RPH3AL: variants seen among roughly 807,000 people sequenced by gnomAD.
The protein encoded by RPH3AL is rab effector Noc2.
Under a neutral mutation model 43.1 loss-of-function variants are expected in RPH3AL, and 38 were observed. The observed-to-expected ratio is 0.88, with a 90% CI of 0.68 to 1.15. The LOEUF is 1.15. Ranked by LOEUF, RPH3AL falls within the 50% of genes most tolerant of loss-of-function variation. RPH3AL has a pLI of 0.00. For synonymous variants in RPH3AL, 189 were observed against 176.3 expected, an observed-to-expected ratio of 1.07 and a Z score of -0.57; for missense variants, 462 against 423.2, an observed-to-expected ratio of 1.09 and a Z score of -0.81.
chr17:333,865 A>G lies in RPH3AL; in HGVS notation c.-143T>C, dbSNP rs1273112355. On this transcript the variant is annotated 5_prime_UTR_variant, in exon 2 of 10. Coordinates refer to ENST00000331302, the MANE Select transcript of RPH3AL (RefSeq NM_006987.4). The surrounding 1 kb of genome is among the most constrained non-coding windows in gnomAD (Gnocchi z 4.5). ...GTGTCCACTACACAAATTCTGCTGG[A>G]GGCAGCTGTGTCTTGGTAGCCTAAT... The G allele has an allele frequency of 6.5e-6, 1 of 153,742 alleles. No homozygotes were observed. The highest frequency in any genetic ancestry group is 1.5e-5 in the Non-Finnish European group (1 of 68,946). The allele number at this position is 153,742 out of a possible 1,614,324, so 9.5% of individuals were successfully genotyped here. A position where few individuals can be genotyped will look rare whatever the true frequency, so the allele number is the denominator to read the frequency against.
intron 1 of RPH3AL, among the ~76,000 whole-genome samples, chr17:345,234 C>T (rs1477005725): frequency 7.4e-6 from 1 of 135,022 alleles, no homozygotes; most frequent in African/African-American, 2.5e-5. Context: ...GAGCCATGAT[C>T]GTGCCACTGC....
At chr17:277,172 G>A (rs369741267) in intron 6 of RPH3AL, among the ~76,000 whole-genome samples, 2 of 152,142 alleles carry the variant, frequency 1.3e-5, no homozygotes, top group East Asian at 1.9e-4. Context: ...TCCTCAATTA[G>A]GAGAATATCT....
chr17:282,181 T>C (rs1307758262), intron 5 of RPH3AL, among the ~76,000 whole-genome samples: 1 of 151,286 alleles, frequency 6.6e-6, no homozygotes, highest in Non-Finnish European at 1.5e-5. Flanking sequence ...CAGGGGAGGG[T>C]CCAGGCAAAC....
intron 6 of RPH3AL, among the ~76,000 whole-genome samples, chr17:273,016 A>AGGGTGAGACCCCAGCGAGAGTGACG (rs2042534792): frequency 7.8e-5 from 3 of 38,244 alleles, no homozygotes; most frequent in African/African-American, 2.8e-4. Context: ...CGAGGGCGAC[A>AGGGTGAGACCCCAGCGAGAGTGACG]TCAGGAAGAG....
intron 6 of RPH3AL, among the ~76,000 whole-genome samples, chr17:249,625 A>C (rs1478363850): frequency 6.6e-6 from 1 of 151,940 alleles, no homozygotes; most frequent in African/African-American, 2.4e-5. Context: ...CCCACCCCGC[A>C]AACTTCCTCT....
rs1265149291 is a variant in RPH3AL at position 334,576 on chromosome 17, C to G, written c.-212-642G>C. ...CCCACGCCTTCCCCCAGGGCCAGCC[C>G]ATCCACTGTGGAGGGACAGGGACAA... On this transcript the variant is annotated intron_variant, in intron 1 of 9. Transcript: ENST00000331302. Among the ~76,000 whole-genome samples, 3 of 133,428 alleles carry G rather than the reference C, an allele frequency of 2.2e-5. 1 individual carries two copies. In the Admixed American group the frequency reaches 2.5e-4, roughly 11 times the overall value. 87.5% of individuals were successfully genotyped at this position (133,428 alleles called of 152,430 possible). A position where few individuals can be genotyped will look rare whatever the true frequency, so the allele number is the denominator to read the frequency against.
rs1245605897 is a variant in RPH3AL, at chr17:290,171, G to C, written c.352-8317C>G. Among the ~76,000 whole-genome samples the C allele has an allele frequency of 6.6e-6, 1 of 152,274 alleles. No individual in the cohort carries two copies. The highest frequency in any genetic ancestry group is 1.9e-4 in the East Asian group (1 of 5,208). On this transcript the variant is annotated intron_variant, in intron 5 of 9. Coordinates refer to ENST00000331302, the MANE Select transcript of RPH3AL (RefSeq NM_006987.4). The surrounding 1 kb of genome is among the most constrained non-coding windows in gnomAD (Gnocchi z 4.2). ...GGGAAGACAAGCTGCACGGAGGCGTGAAGGCACTCGCTCAGCGACACGAGG... is the reference window on the plus strand; with the variant it reads ...GGGAAGACAAGCTGCACGGAGGCGTCAAGGCACTCGCTCAGCGACACGAGG...
intron 6 of RPH3AL, among the ~76,000 whole-genome samples, chr17:257,326 C>T (rs1251502981): frequency 0.012 from 113 of 9,284 alleles, no homozygotes; most frequent in East Asian, 0.027. Context: ...ATGAGGGGAG[C>T]CGCACGGCGT....
intron 5 of RPH3AL, among the ~76,000 whole-genome samples, chr17:318,420 C>G (rs145724724): frequency 2.7e-3 from 416 of 152,196 alleles, no homozygotes; most frequent in African/African-American, 9.2e-3. Flanking sequence ...ATGGAAGTTA[C>G]TTGAGGATGG....
intron 3 of RPH3AL, among the ~76,000 whole-genome samples, chr17:326,320 C>T (rs1380827545): frequency 6.6e-6 from 1 of 152,226 alleles, no homozygotes; most frequent in East Asian, 1.9e-4. Flanking sequence ...TCAGCTCTGT[C>T]CCCTGCAGGC....
At chr17:305,528 C>A (rs1392937300) in intron 5 of RPH3AL, among the ~76,000 whole-genome samples, 1 of 152,152 alleles carries the variant, frequency 6.6e-6, no homozygotes, top group East Asian at 1.9e-4. Context: ...CCTCCCACAT[C>A]GGGTGACCTG....
At chr17:281,721 A>C (rs745505369) in intron 6 of RPH3AL, 47 bp downstream of exon 6, 5 of 1,132,226 alleles carry the variant, frequency 4.4e-6, no homozygotes, top group East Asian at 4.3e-5. Context: ...ATCTGAGGGC[A>C]TATCCAGCCC....
At position 297,443 on chromosome 17, in the gene RPH3AL, C is replaced by T. The variant is rs149943174; in HGVS notation, c.352-15589G>A. 7.9e-4 allele frequency among the ~76,000 whole-genome samples: 121 copies of T among 152,250 alleles called. 1 individual carries two copies. The highest frequency in any genetic ancestry group is 2.9e-3 in the South Asian group (14 of 4,824). On this transcript the variant is annotated intron_variant, in intron 5 of 9. Transcript: ENST00000331302. ...CTGGACGTGTGACTGGCATCTGAGG[C>T]GGGGGACAGTCCTGGGACCGAGCCC...
In RPH3AL at chr17:290,477, G is replaced by A. The variant is rs1392251464; in HGVS notation, c.352-8623C>T. ...GGGTGCGTGCCGCGGCCGCCTATGT[G>A]TGCAGACCCGTCCCAAGGCCTGATC... On this transcript the variant is annotated intron_variant, in intron 5 of 9. Transcript: ENST00000331302. This position sits in a 1 kb window ranked among gnomAD's most constrained non-coding sequence, Gnocchi z 4.2. Among the ~76,000 whole-genome samples, 2 of 152,120 alleles carry A rather than the reference G, an allele frequency of 1.3e-5. No individual in the cohort carries two copies. Among genetic ancestry groups the A allele is most frequent in the Non-Finnish European group, 2.9e-5 (2 of 68,006 alleles).
intron 7 of RPH3AL, 145 bp from the exon 8 acceptor site, chr17:219,881 T>C (rs2040914968): frequency 1.6e-6 from 1 of 627,498 alleles, no homozygotes; most frequent in Non-Finnish European, 2.9e-6. Context: ...GCAGAAGAAA[T>C]AATGGCCTGG....
At chr17:238,270 AAG>A (rs974205731) in intron 7 of RPH3AL, among the ~76,000 whole-genome samples, 6 of 151,610 alleles carry the variant, frequency 4.0e-5, no homozygotes, top group East Asian at 3.9e-4. Context: ...GAAAGAGAAA[AAG>A]AGAGAGAGAG....
intron 6 of RPH3AL, among the ~76,000 whole-genome samples, chr17:251,951 T>A (rs1167840943): frequency 2.0e-5 from 3 of 149,322 alleles, no homozygotes; most frequent in African/African-American, 7.4e-5. Context: ...CCCACCCGCC[T>A]TGGAAGTTTT....
intron 5 of RPH3AL, among the ~76,000 whole-genome samples, chr17:314,246 C>A (rs1385248298): frequency 2.6e-5 from 4 of 152,184 alleles, no homozygotes; most frequent in African/African-American, 4.8e-5. Context: ...ATATTTACCA[C>A]AGGCCAGGCT....
At chr17:288,946 C>T (rs2042984769) in intron 5 of RPH3AL, among the ~76,000 whole-genome samples, 1 of 152,228 alleles carries the variant, frequency 6.6e-6, no homozygotes, top group African/African-American at 2.4e-5. Context: ...AGACCTCGCA[C>T]CCTCTCTCCC....
Sources: gnomAD v4.1 joint callset for allele counts (sites outside exome capture counted in the v4.1 genomes callset) on GRCh38, gnomAD v4.1.1 for gene constraint, Gnocchi (gnomAD v3.1) non-coding constraint, MANE v1.5 for transcripts, NCBI Gene and HGNC (gene_info 2026-07-23, HGNC 2026-07-21) for gene names.